CCNY: variants seen among roughly 807,000 people sequenced by gnomAD.
The protein encoded by CCNY is cyclin-Y.
CCNY carries 19 observed loss-of-function variants against 42.8 expected under a neutral mutation model. The ratio of observed to expected loss-of-function variants is 0.44; its 90% confidence interval spans 0.31 to 0.65. The LOEUF (loss-of-function observed/expected upper bound fraction) is 0.65. Ranked by LOEUF, CCNY falls within the 30% of genes least tolerant of loss-of-function variation. The pLI is 0.07. For synonymous variants in CCNY, 165 were observed against 162.7 expected, an observed-to-expected ratio of 1.01 and a Z score of -0.11; for missense variants, 370 against 437.3, an observed-to-expected ratio of 0.85 and a Z score of 1.37.
At chr10:35,440,061 A>G (rs545922721) in intron 1 of CCNY, among the ~76,000 whole-genome samples, 1 of 152,272 alleles carries the variant, frequency 6.6e-6, no homozygotes, top group South Asian at 2.1e-4. Flanking sequence ...CACAATGGCA[A>G]AAGTTTAGGC....
At chr10:35,566,221 G>A in intron 9 of CCNY, 36 bp downstream of exon 9, 4 of 1,593,278 alleles carry the variant, frequency 2.5e-6, no homozygotes, top group South Asian at 2.3e-5. Context: ...GTGGTGCAGT[G>A]TTGCCAATAC....
At chr10:35,498,860 A>G (rs549124219) in intron 2 of CCNY, among the ~76,000 whole-genome samples, 10 of 152,318 alleles carry the variant, frequency 6.6e-5, no homozygotes, top group African/African-American at 2.2e-4. Context: ...CAGGAGCCCC[A>G]GGTTGCTCTG....
chr10:35,525,793 A>G (rs994580217), intron 4 of CCNY, among the ~76,000 whole-genome samples, 171 bp from the exon 5 acceptor site: 1 of 152,186 alleles, frequency 6.6e-6, no homozygotes, highest in African/African-American at 2.4e-5. Context: ...ACATTGATTT[A>G]CTCAGAAGAG....
chr10:35,382,886 AAAAC>A (rs951172169), intron 1 of CCNY, among the ~76,000 whole-genome samples: 19 of 152,324 alleles, frequency 1.2e-4, no homozygotes, highest in South Asian at 2.1e-4. Flanking sequence ...CAAAAGGTAA[AAAAC>A]AAACAAACAA....
In CCNY at chr10:35,518,960, C is replaced by T. The variant is rs17579865; in HGVS notation, c.365+2337C>T. On this transcript the variant is annotated intron_variant, in intron 4 of 9. Coordinates refer to ENST00000374704, the MANE Select transcript of CCNY (RefSeq NM_145012.6). ...TCTGGCTGAGGTATACTGTGGGTAT[C>T]TGGATTTTTAACAGATCTTGATTGA... 5.1e-4 allele frequency among the ~76,000 whole-genome samples: 75 copies of T among 145,768 alleles called. 2 individuals are homozygous for T. The Admixed American group carries it at 5.2e-3, about 10-fold the overall frequency.
intron 1 of CCNY, among the ~76,000 whole-genome samples, chr10:35,475,406 C>T (rs1317492891): frequency 6.6e-6 from 1 of 151,986 alleles, no homozygotes; most frequent in Non-Finnish European, 1.5e-5. Flanking sequence ...GGGTTACCCT[C>T]AAAGGGAAGC....
chr10:35,343,216 C>T (rs1836224046), intron 1 of CCNY, among the ~76,000 whole-genome samples: 1 of 151,718 alleles, frequency 6.6e-6, no homozygotes, highest in Non-Finnish European at 1.5e-5. Flanking sequence ...GTTGGCCAGG[C>T]TGGTCCATAT....
intron 3 of CCNY, among the ~76,000 whole-genome samples, chr10:35,298,952 A>G (rs567659167): frequency 7.0e-4 from 107 of 152,248 alleles, no homozygotes; most frequent in African/African-American, 2.5e-3. Context: ...GTTTTGTATG[A>G]GCATATGTTT....
chr10:35,426,146 C>CACAT, intron 1 of CCNY, among the ~76,000 whole-genome samples: 1 of 150,304 alleles, frequency 6.7e-6, no homozygotes, highest in Non-Finnish European at 1.5e-5. Context: ...CACACACACA[C>CACAT]ACACACACAC....
At chr10:35,363,764 G>A (rs537192521) in intron 1 of CCNY, among the ~76,000 whole-genome samples, 2 of 152,174 alleles carry the variant, frequency 1.3e-5, no homozygotes, top group Non-Finnish European at 2.9e-5. Flanking sequence ...CACTGAGTAG[G>A]TATGAAATCA....
intron 7 of CCNY, among the ~76,000 whole-genome samples, chr10:35,532,170 T>C (rs1219625257): frequency 1.3e-5 from 2 of 152,248 alleles, no homozygotes; most frequent in Non-Finnish European, 2.9e-5. Context: ...TCAGCGCAGC[T>C]GCATGCTTGT....
intron 1 of CCNY, among the ~76,000 whole-genome samples, chr10:35,436,606 A>G (rs1465382992): frequency 6.6e-6 from 1 of 152,170 alleles, no homozygotes; most frequent in Non-Finnish European, 1.5e-5. Flanking sequence ...GAGGCACAGC[A>G]CTTGCTCTTA....
chr10:35,566,683 A>T (rs975175062), intron 9 of CCNY, among the ~76,000 whole-genome samples: 1 of 152,048 alleles, frequency 6.6e-6, no homozygotes, highest in Non-Finnish European at 1.5e-5. Flanking sequence ...ATATCACTTT[A>T]TACTTAATAA....
At chr10:35,270,688 C>T (rs1299218740) in intron 3 of CCNY, among the ~76,000 whole-genome samples, 1 of 150,264 alleles carries the variant, frequency 6.7e-6, no homozygotes, top group Non-Finnish European at 1.5e-5. Flanking sequence ...ATCTCTACCC[C>T]TTTTCGCAAT....
At chr10:35,485,042 C>A (rs893284294) in intron 2 of CCNY, among the ~76,000 whole-genome samples, 1 of 152,184 alleles carries the variant, frequency 6.6e-6, no homozygotes, top group Admixed American at 6.5e-5. Context: ...TTACTCTGAC[C>A]CCTCTGTTTA....
chr10:35,394,097 T>C (rs1170181078), intron 1 of CCNY, among the ~76,000 whole-genome samples: 3 of 152,236 alleles, frequency 2.0e-5, no homozygotes, highest in East Asian at 1.9e-4. Flanking sequence ...GTGCAACTTA[T>C]GTTTCCCCTC....
chr10:35,538,570 G>T (rs564899594), intron 7 of CCNY, among the ~76,000 whole-genome samples: 1 of 152,074 alleles, frequency 6.6e-6, no homozygotes, highest in South Asian at 2.1e-4. Context: ...GATTAATGAC[G>T]GTTGAACATC....
intron 8 of CCNY, among the ~76,000 whole-genome samples, chr10:35,558,258 G>C (rs540264361): frequency 2.4e-4 from 37 of 152,324 alleles, no homozygotes; most frequent in African/African-American, 8.2e-4. Flanking sequence ...TGAGCAGCCT[G>C]CCTTTCCCTT....
chr10:35,444,339 C>G (rs1427953516), intron 1 of CCNY, among the ~76,000 whole-genome samples: 1 of 151,886 alleles, frequency 6.6e-6, no homozygotes, highest in African/African-American at 2.4e-5. Context: ...CCTCTGCCCC[C>G]CGGGTTCAAG....
Sources: allele counts gnomAD v4.1 joint callset (sites outside exome capture counted in the v4.1 genomes callset), GRCh38; gene constraint gnomAD v4.1.1; transcripts MANE v1.5; gene names NCBI Gene and HGNC (gene_info 2026-07-23, HGNC 2026-07-21).